SCARA5: variants seen among roughly 807,000 people sequenced by gnomAD.
SCARA5 encodes the protein scavenger receptor class A member 5, also known as scavenger receptor class A, member 5 (putative).
SCARA5 carries 45 observed loss-of-function variants against 46.3 expected under a neutral mutation model. The observed-to-expected ratio is 0.97, with a 90% CI of 0.76 to 1.24. SCARA5 has a LOEUF of 1.24. Among genes scored for constraint, SCARA5 ranks in the 50% most tolerant of loss-of-function variants. SCARA5 has a pLI of 0.00. For missense variants in SCARA5, 680 were observed against 689.0 expected, an observed-to-expected ratio of 0.99 and a Z score of 0.15; for synonymous variants, 333 against 306.5, an observed-to-expected ratio of 1.09 and a Z score of -0.90.
chr8:27,950,836 G>A (rs533545660), intron 3 of SCARA5, among the ~76,000 whole-genome samples: 1 of 150,746 alleles, frequency 6.6e-6, no homozygotes, highest in South Asian at 2.1e-4. Context: ...CGATCGGAAC[G>A]AGCTCTGTGA....
chr8:27,991,860 T>TGCACACACACACAC (rs1554480594), intron 1 of SCARA5, among the ~76,000 whole-genome samples: 10 of 150,710 alleles, frequency 6.6e-5, no homozygotes, highest in Non-Finnish European at 1.2e-4. Flanking sequence ...CACACACACA[T>TGCACACACACACAC]GCACACACAC....
chr8:27,909,111 C>G (rs1807322359), intron 5 of SCARA5: 1 of 152,238 alleles, frequency 6.6e-6, no homozygotes, highest in African/African-American at 2.4e-5. Flanking sequence ...CTAAGAAGAA[C>G]CTTGTCTTTC....
At chr8:27,903,237 C>T (rs1807190020) in intron 7 of SCARA5, 1 of 152,154 alleles carries the variant, frequency 6.6e-6, no homozygotes, top group Admixed American at 6.5e-5. Flanking sequence ...CCTAGTGAGA[C>T]CAAGGAAGCA....
intron 3 of SCARA5, among the ~76,000 whole-genome samples, chr8:27,962,990 G>A (rs1231339040): frequency 6.6e-6 from 1 of 152,202 alleles, no homozygotes; most frequent in African/African-American, 2.4e-5. Context: ...TTTCCCTAGG[G>A]ACTCTCCCTG....
intron 3 of SCARA5, among the ~76,000 whole-genome samples, chr8:27,947,118 T>G (rs1265727119): frequency 6.6e-6 from 1 of 152,012 alleles, no homozygotes; most frequent in African/African-American, 2.4e-5. Context: ...TTCAAGTGAT[T>G]CTCCTACTTC....
chr8:27,941,081 C>T (rs574689201), intron 3 of SCARA5, among the ~76,000 whole-genome samples: 4 of 151,802 alleles, frequency 2.6e-5, no homozygotes, highest in Admixed American at 2.0e-4. Context: ...CTGATGATAA[C>T]TTTTAACATC....
rs554411330 is a variant in SCARA5, at chr8:27,919,221, A to AAGG, written c.916+2347_916+2349dup. Among the ~76,000 whole-genome samples, 200 of 104,814 alleles carry AAGG rather than the reference A, an allele frequency of 1.9e-3. 3 individuals are homozygous for AAGG. Among genetic ancestry groups the AAGG allele is most frequent in the African/African-American group, 8.5e-3 (188 of 22,120 alleles). 68.8% of individuals were successfully genotyped at this position (104,814 alleles called of 152,430 possible). ...GGAGGAGGGAATAGAGAAAGAAGAG[A>AAGG]AGGAGGAGGAGGAAGAGACGGAGGA... is the stretch of plus-strand genomic sequence containing the variant. On this transcript the variant is annotated intron_variant, in intron 4 of 8. Transcript: ENST00000354914.
Position 27,918,670 on chromosome 8 carries a change from AAAGGAAGATGAGGAGGAAAAGG to A in SCARA5, c.916+2879_916+2900del, listed in dbSNP as rs1416188472. Reference sequence around the variant, plus strand: ...AGGAGGAAAAGGAAGATGAGGAGGAAAAGGAAGATGAGGAGGAAAAGGAAGATGAGGAGGAAAAGGAGGAAGA... The same window carrying A: ...AGGAGGAAAAGGAAGATGAGGAGGAAAAGATGAGGAGGAAAAGGAGGAAGA... On this transcript the variant is annotated intron_variant, in intron 4 of 8. Coordinates refer to ENST00000354914, the MANE Select transcript of SCARA5 (RefSeq NM_173833.6). Among the ~76,000 whole-genome samples the A allele has an allele frequency of 2.2e-4, 4 of 18,182 alleles. No individual in the cohort carries two copies. The Admixed American group carries it at 2.5e-3, about 11-fold the overall frequency. The allele number at this position is 18,182 out of a possible 152,430, so 11.9% of individuals were successfully genotyped here.
At chr8:27,879,398 C>A (rs1037485795) in intron 8 of SCARA5, among the ~76,000 whole-genome samples, 171 bp downstream of exon 8, 2 of 152,038 alleles carry the variant, frequency 1.3e-5, no homozygotes, top group South Asian at 4.2e-4. Flanking sequence ...CTGATGACCA[C>A]CGGAGATGGT....
intron 7 of SCARA5, among the ~76,000 whole-genome samples, chr8:27,900,789 GTTT>G (rs1160056178): frequency 2.5e-4 from 32 of 127,190 alleles, no homozygotes; most frequent in African/African-American, 7.1e-4. Flanking sequence ...TACGTAGCGG[GTTT>G]TTTTTTTTTT....
At chr8:27,913,350 TG>T (rs1425318260) in intron 4 of SCARA5, among the ~76,000 whole-genome samples, 1 of 152,204 alleles carries the variant, frequency 6.6e-6, no homozygotes, top group African/African-American at 2.4e-5. Context: ...GGGGCCGAGC[TG>T]CCAGGGGCTC....
At chr8:27,939,521 G>A (rs939304242) in intron 3 of SCARA5, among the ~76,000 whole-genome samples, 2 of 152,166 alleles carry the variant, frequency 1.3e-5, no homozygotes, top group African/African-American at 2.4e-5. Context: ...TTAGACCAGA[G>A]AGTAGCAATG....
At chr8:27,975,150 A>C (rs559769111) in intron 2 of SCARA5, among the ~76,000 whole-genome samples, 1 of 152,262 alleles carries the variant, frequency 6.6e-6, no homozygotes, top group African/African-American at 2.4e-5. Flanking sequence ...CAGCGATTTA[A>C]TCAATCATGC....
intron 3 of SCARA5, among the ~76,000 whole-genome samples, chr8:27,956,379 C>G (rs1051061150): frequency 6.6e-6 from 1 of 152,172 alleles, no homozygotes; most frequent in Non-Finnish European, 1.5e-5. Flanking sequence ...TGGGCAGCAA[C>G]GGACACCTAT....
intron 3 of SCARA5, among the ~76,000 whole-genome samples, chr8:27,960,900 T>C (rs926996913): frequency 6.6e-6 from 1 of 152,336 alleles, no homozygotes; most frequent in Admixed American, 6.5e-5. Context: ...GCTATGCTTA[T>C]GTGTGTGTAC....
chr8:27,983,260 G>A (rs1349210913), intron 2 of SCARA5, among the ~76,000 whole-genome samples: 1 of 152,228 alleles, frequency 6.6e-6, no homozygotes, highest in Admixed American at 6.5e-5. Context: ...GGGCAGGAGG[G>A]CGTGTGTGGG....
Position 27,881,576 on chromosome 8 carries a change from G to A in SCARA5, c.1154-1810C>T, listed in dbSNP as rs192134228. On this transcript the variant is annotated intron_variant, in intron 7 of 8. Transcript: ENST00000354914. ...TGAAAACCTAACTACTGGGCACTAC[G>A]CTTACTACCTGGATGACAGGATCAT... 9.2e-5 allele frequency among the ~76,000 whole-genome samples: 14 copies of A among 152,184 alleles called. No individual in the cohort carries two copies. The East Asian group carries it at 2.7e-3, about 29-fold the overall frequency.
rs965464331 is a variant in SCARA5 at position 27,904,847 on chromosome 8, A to T, written c.1097-13T>A. 1 of 1,596,222 alleles carries T rather than the reference A, an allele frequency of 6.3e-7. No individual in the cohort carries two copies. Among genetic ancestry groups the T allele is most frequent in the African/African-American group, 1.3e-5 (1 of 74,400 alleles). On this transcript the variant is annotated splice_polypyrimidine_tract_variant and intron_variant, in intron 6 of 8. Transcript: ENST00000354914. ...GGGCCTCGGTCACCTAAAACAGAGG[A>T]GGAAACTGGCATTAGAAATGGAAAG...
intron 1 of SCARA5, among the ~76,000 whole-genome samples, chr8:27,988,493 G>A (rs1038212115): frequency 6.6e-5 from 10 of 152,208 alleles, no homozygotes; most frequent in East Asian, 5.8e-4. Context: ...AGGTGCGTGT[G>A]GATGTAAGAC....
Sources: gnomAD v4.1 joint callset for allele counts (sites outside exome capture counted in the v4.1 genomes callset) on GRCh38, gnomAD v4.1.1 for gene constraint, MANE v1.5 for transcripts, NCBI Gene and HGNC (gene_info 2026-07-23, HGNC 2026-07-21) for gene names.